GABRB1: variants seen among roughly 807,000 people sequenced by gnomAD.
The protein encoded by GABRB1 is gamma-aminobutyric acid type A receptor subunit beta1.
A neutral mutation model predicts 51.6 loss-of-function variants in GABRB1; 17 were observed. That is an observed-to-expected ratio of 0.33 (90% confidence interval 0.23 to 0.49). The LOEUF is 0.49. GABRB1 is among the 20% of genes least tolerant of loss of function. GABRB1 has a pLI of 0.99. For synonymous variants in GABRB1, 247 were observed against 218.9 expected, an observed-to-expected ratio of 1.13 and a Z score of -1.14; for missense variants, 410 against 600.6, an observed-to-expected ratio of 0.68 and a Z score of 3.32.
chr4:47,300,002 A>G (rs1443055588), intron 4 of GABRB1, among the ~76,000 whole-genome samples: 2 of 150,260 alleles, frequency 1.3e-5, no homozygotes, highest in Admixed American at 1.3e-4. Context: ...AAAAATCCAA[A>G]CACCACATGT....
At chr4:47,293,023 T>A (rs565729657) in intron 4 of GABRB1, among the ~76,000 whole-genome samples, 43 of 152,366 alleles carry the variant, frequency 2.8e-4, no homozygotes, top group Non-Finnish European at 5.6e-4. Flanking sequence ...TTTATATCAA[T>A]AACATTTTAT....
At chr4:47,155,573 T>C (rs1471652896) in intron 3 of GABRB1, among the ~76,000 whole-genome samples, 1 of 151,890 alleles carries the variant, frequency 6.6e-6, no homozygotes, top group Non-Finnish European at 1.5e-5. Flanking sequence ...ACGTGCAGAC[T>C]ATGGGGGCAG....
At chr4:47,207,819 A>G (rs1294356514) in intron 4 of GABRB1, among the ~76,000 whole-genome samples, 4 of 152,084 alleles carry the variant, frequency 2.6e-5, no homozygotes, top group African/African-American at 9.6e-5. Flanking sequence ...GTACAAAGGT[A>G]ACCTATGTAA....
intron 1 of GABRB1, among the ~76,000 whole-genome samples, chr4:47,019,120 G>A (rs779202154): frequency 1.3e-5 from 2 of 151,972 alleles, no homozygotes; most frequent in Non-Finnish European, 2.9e-5. Context: ...CTAAGCAACC[G>A]CATTGAAAAA....
Position 47,195,798 on chromosome 4 carries a change from C to A in GABRB1, c.461+34329C>A, listed in dbSNP as rs1416850310. On this transcript the variant is annotated intron_variant, in intron 4 of 8. Transcript: ENST00000295454. ...CTCCACTGAATTATTCCATGTAATT[C>A]TCTTGATTTTTCTACTTTATTGTTG... is the stretch of plus-strand genomic sequence containing the variant. Among the ~76,000 whole-genome samples the A allele has an allele frequency of 2.0e-5, 3 of 152,134 alleles. No individual in the cohort carries two copies. The East Asian group carries it at 5.8e-4, about 29-fold the overall frequency.
At chr4:47,074,222 A>T (rs1168469997) in intron 3 of GABRB1, among the ~76,000 whole-genome samples, 1 of 152,228 alleles carries the variant, frequency 6.6e-6, no homozygotes, top group Non-Finnish European at 1.5e-5. Flanking sequence ...AGTATATTAA[A>T]AATGCCTGTA....
chr4:47,371,096 C>T (rs1159522782), intron 5 of GABRB1, among the ~76,000 whole-genome samples: 1 of 141,200 alleles, frequency 7.1e-6, no homozygotes, highest in Admixed American at 7.1e-5. Flanking sequence ...CCCCCACCCC[C>T]ACCCTGACAG....
intron 5 of GABRB1, among the ~76,000 whole-genome samples, chr4:47,388,866 T>TA (rs373130475): frequency 6.5e-4 from 98 of 151,854 alleles, no homozygotes; most frequent in African/African-American, 2.2e-3. Flanking sequence ...GTTATTATGT[T>TA]AAAAAAAGAA....
intron 5 of GABRB1, among the ~76,000 whole-genome samples, chr4:47,340,985 A>G (rs78649397): frequency 0.011 from 1,706 of 152,320 alleles, 36 homozygotes; most frequent in African/African-American, 0.039. Context: ...CAAGCCACAC[A>G]GCCAGGGAGG....
At chr4:47,382,091 C>G (rs112339088) in intron 5 of GABRB1, among the ~76,000 whole-genome samples, 2,705 of 152,218 alleles carry the variant, frequency 0.018, 91 homozygotes, top group African/African-American at 0.062. Flanking sequence ...ATCTTCTATC[C>G]TAATAGAATA....
intron 4 of GABRB1, among the ~76,000 whole-genome samples, chr4:47,318,054 T>A (rs1724952295): frequency 6.6e-6 from 1 of 152,030 alleles, no homozygotes; most frequent in Non-Finnish European, 1.5e-5. Context: ...ATTAAAATAT[T>A]TTGTGACTAA....
chr4:47,154,200 G>A (rs1717582410), intron 3 of GABRB1, among the ~76,000 whole-genome samples: 1 of 150,524 alleles, frequency 6.6e-6, no homozygotes, highest in South Asian at 2.1e-4. Flanking sequence ...GGTTTAGATT[G>A]GTTTATTTAT....
chr4:47,148,616 A>G (rs1456185702), intron 3 of GABRB1, among the ~76,000 whole-genome samples: 1 of 152,014 alleles, frequency 6.6e-6, no homozygotes, highest in East Asian at 1.9e-4. Flanking sequence ...ATCTTACCAA[A>G]AGAAAATTAT....
intron 4 of GABRB1, among the ~76,000 whole-genome samples, chr4:47,242,702 T>G (rs2069778970): frequency 6.6e-6 from 1 of 152,250 alleles, no homozygotes; most frequent in South Asian, 2.1e-4. Context: ...AAGTGTCTGT[T>G]CATATCCTTT....
intron 4 of GABRB1, among the ~76,000 whole-genome samples, chr4:47,280,346 A>T (rs1384134517): frequency 6.6e-6 from 1 of 151,744 alleles, no homozygotes; most frequent in Non-Finnish European, 1.5e-5. Context: ...TGTCCCTTAA[A>T]CACATTACTG....
At chr4:47,355,564 T>C (rs956343162) in intron 5 of GABRB1, among the ~76,000 whole-genome samples, 3 of 152,216 alleles carry the variant, frequency 2.0e-5, no homozygotes, top group Admixed American at 6.5e-5. Flanking sequence ...CACTGTGGTC[T>C]AAAGGGTTTC....
intron 4 of GABRB1, among the ~76,000 whole-genome samples, chr4:47,309,839 CAT>C (rs781286627): frequency 1.3e-5 from 2 of 152,108 alleles, no homozygotes; most frequent in Admixed American, 6.6e-5. Flanking sequence ...AATATGGCCA[CAT>C]GTTACTCTGA....
chr4:47,328,088 T>C (rs1725322829), intron 5 of GABRB1, among the ~76,000 whole-genome samples: 1 of 152,246 alleles, frequency 6.6e-6, no homozygotes, highest in Admixed American at 6.5e-5. Context: ...TTCATGTGTC[T>C]TTTGGCTGCA....
intron 5 of GABRB1, among the ~76,000 whole-genome samples, chr4:47,384,549 T>G (rs1449568321): frequency 6.6e-6 from 1 of 152,154 alleles, no homozygotes; most frequent in Non-Finnish European, 1.5e-5. Flanking sequence ...ATAGAGATAT[T>G]CTGAATAGTT....
Sources: allele counts gnomAD v4.1 joint callset (sites outside exome capture counted in the v4.1 genomes callset), GRCh38; gene constraint gnomAD v4.1.1; transcripts MANE v1.5; gene names NCBI Gene and HGNC (gene_info 2026-07-23, HGNC 2026-07-21).